The following CPA6 variants were observed in gnomAD, a reference collection of about 807,000 sequenced individuals.
The protein encoded by CPA6 is carboxypeptidase A6.
Under a neutral mutation model 63.3 loss-of-function variants are expected in CPA6, and 58 were observed. The observed-to-expected ratio is 0.92, with a 90% CI of 0.74 to 1.14. The LOEUF (loss-of-function observed/expected upper bound fraction) is 1.14, where lower values mean the gene tolerates loss of function less well. Ranked by LOEUF, CPA6 falls within the 50% of genes most tolerant of loss-of-function variation. CPA6 has a pLI of 0.00. For missense variants in CPA6, 565 were observed against 526.6 expected (o/e 1.07, Z -0.71); for synonymous variants, 185 against 179.0 (o/e 1.03, Z -0.27).
Position 67,422,208 on chromosome 8 carries a change from T to G in CPA6, c.*296A>C, listed in dbSNP as rs1044425558. The G allele has an allele frequency of 7.7e-6, 2 of 258,838 alleles. No homozygotes were observed. Among genetic ancestry groups the G allele is most frequent in the Non-Finnish European group, 1.5e-5 (2 of 137,456 alleles). 16.0% of individuals were successfully genotyped at this position (258,838 alleles called of 1,614,324 possible). Reference sequence around the variant, plus strand: ...CATGAGATTTATTGAAGGGAAATCCTCAATTAATATGAACATTTCTTGAGA... The same window carrying G: ...CATGAGATTTATTGAAGGGAAATCCGCAATTAATATGAACATTTCTTGAGA... On this transcript the variant is annotated 3_prime_UTR_variant, in exon 11 of 11. Transcript: ENST00000297770.
chr8:67,733,735 A>C, intron 1 of CPA6, among the ~76,000 whole-genome samples: 1 of 147,464 alleles, frequency 6.8e-6, no homozygotes, highest in Non-Finnish European at 1.5e-5. Context: ...TGAATACACA[A>C]GGTATTGCCT....
chr8:67,599,360 A>G (rs1032316323), intron 2 of CPA6, among the ~76,000 whole-genome samples: 1 of 152,200 alleles, frequency 6.6e-6, no homozygotes, highest in Admixed American at 6.5e-5. Context: ...AACCATGTAA[A>G]AAGCCTGAAT....
At chr8:67,595,563 TTACC>T (rs1814305015) in intron 2 of CPA6, among the ~76,000 whole-genome samples, 1 of 152,230 alleles carries the variant, frequency 6.6e-6, no homozygotes. Flanking sequence ...GCTGCTTTGT[TTACC>T]TAAGCGAGCC....
At chr8:67,597,615 G>A (rs1478709444) in intron 2 of CPA6, among the ~76,000 whole-genome samples, 1 of 152,102 alleles carries the variant, frequency 6.6e-6, no homozygotes, top group Non-Finnish European at 1.5e-5. Flanking sequence ...CTAATGTGCT[G>A]TTAAACCTAT....
chr8:67,581,003 G>A (rs764081508), intron 2 of CPA6, among the ~76,000 whole-genome samples: 1 of 152,130 alleles, frequency 6.6e-6, no homozygotes, highest in Non-Finnish European at 1.5e-5. Flanking sequence ...TAGCACTCCC[G>A]AGTGGGATGA....
At chr8:67,498,407 G>A (rs961399812) in intron 6 of CPA6, among the ~76,000 whole-genome samples, 2 of 151,382 alleles carry the variant, frequency 1.3e-5, no homozygotes, top group Admixed American at 6.6e-5. Context: ...GTGGTGGTGC[G>A]CACCTGTAAT....
intron 1 of CPA6, among the ~76,000 whole-genome samples, chr8:67,698,918 G>T (rs1056008851): frequency 5.3e-5 from 8 of 152,274 alleles, no homozygotes; most frequent in South Asian, 2.1e-4. Context: ...TTCAAATAAG[G>T]TTCCAGAGGA....
intron 1 of CPA6, among the ~76,000 whole-genome samples, chr8:67,733,059 G>A (rs1467744657): frequency 1.3e-5 from 2 of 151,752 alleles, no homozygotes; most frequent in East Asian, 3.9e-4. Context: ...AGCCAGGTGT[G>A]GTGGCGGGCA....
chr8:67,629,970 T>G (rs1426892001), intron 1 of CPA6, among the ~76,000 whole-genome samples: 3 of 151,904 alleles, frequency 2.0e-5, no homozygotes, highest in Non-Finnish European at 4.4e-5. Context: ...CTGGGCGTAG[T>G]GGCAGACATC....
intron 1 of CPA6, among the ~76,000 whole-genome samples, chr8:67,660,833 C>T (rs1816092929): frequency 6.6e-6 from 1 of 152,084 alleles, no homozygotes; most frequent in Non-Finnish European, 1.5e-5. Context: ...TTATAGTTCA[C>T]TTGAAAGTTT....
intron 2 of CPA6, among the ~76,000 whole-genome samples, chr8:67,560,438 C>CA (rs1813180537): frequency 6.6e-6 from 1 of 152,100 alleles, no homozygotes; most frequent in African/African-American, 2.4e-5. Flanking sequence ...AATAAGTTAA[C>CA]AGTCTTCTGC....
chr8:67,491,389 C>T (rs1811603112), intron 6 of CPA6, among the ~76,000 whole-genome samples: 1 of 152,028 alleles, frequency 6.6e-6, no homozygotes, highest in South Asian at 2.1e-4. Context: ...ATGATCTCCT[C>T]ATCTTGTATA....
intron 1 of CPA6, among the ~76,000 whole-genome samples, chr8:67,632,712 A>G (rs896492105): frequency 5.3e-5 from 8 of 152,202 alleles, no homozygotes; most frequent in African/African-American, 1.9e-4. Context: ...GAAGAATGTT[A>G]AAAAATATAT....
intron 1 of CPA6, among the ~76,000 whole-genome samples, chr8:67,680,034 C>T (rs1816559402): frequency 6.6e-6 from 1 of 152,120 alleles, no homozygotes; most frequent in Non-Finnish European, 1.5e-5. Context: ...ATTTATTGTC[C>T]TTTCTGAAGA....
In CPA6 at chr8:67,441,177, A is replaced by C. The variant is rs1810287167; in HGVS notation, c.839-6937T>G. Among the ~76,000 whole-genome samples, 5 of 152,338 alleles carry C rather than the reference A, an allele frequency of 3.3e-5. No homozygotes were observed. In the South Asian group the frequency reaches 8.3e-4, roughly 25 times the overall value. On this transcript the variant is annotated intron_variant, in intron 8 of 10. Coordinates refer to ENST00000297770, the MANE Select transcript of CPA6 (RefSeq NM_020361.5). ...CTCCAAGACACCTGGATAAAAGATC[A>C]GCTTAAAAAATTCAATAGTGTAATT...
At chr8:67,636,857 C>G (rs1184877517) in intron 1 of CPA6, among the ~76,000 whole-genome samples, 2 of 151,462 alleles carry the variant, frequency 1.3e-5, no homozygotes, top group East Asian at 1.9e-4. Flanking sequence ...GGTCTCAGAG[C>G]TGCACTTCCT....
At chr8:67,601,749 G>A (rs1023274278) in intron 2 of CPA6, among the ~76,000 whole-genome samples, 3 of 152,138 alleles carry the variant, frequency 2.0e-5, no homozygotes, top group African/African-American at 7.2e-5. Context: ...AGGGAGTAGC[G>A]AAATAGGAAT....
At chr8:67,696,709 A>T (rs931319655) in intron 1 of CPA6, among the ~76,000 whole-genome samples, 5 of 151,634 alleles carry the variant, frequency 3.3e-5, no homozygotes, top group Non-Finnish European at 2.9e-5. Flanking sequence ...CTACAAATAT[A>T]TGAACTACAA....
At chr8:67,651,694 G>C (rs140584207) in intron 1 of CPA6, among the ~76,000 whole-genome samples, 15 of 152,088 alleles carry the variant, frequency 9.9e-5, no homozygotes, top group African/African-American at 3.6e-4. Flanking sequence ...GAGAGAAGCA[G>C]CCATAATTTA....
Sources: gnomAD v4.1 joint callset for allele counts (sites outside exome capture counted in the v4.1 genomes callset) on GRCh38, gnomAD v4.1.1 for gene constraint, MANE v1.5 for transcripts, NCBI Gene and HGNC (gene_info 2026-07-23, HGNC 2026-07-21) for gene names.